Variants in PCLO observed in about 807,000 individuals in gnomAD.
PCLO encodes the protein piccolo presynaptic cytomatrix protein, also known as protein piccolo.
A neutral mutation model predicts 427.5 loss-of-function variants in PCLO; 82 were observed. The ratio of observed to expected loss-of-function variants is 0.19; its 90% CI spans 0.16 to 0.23. PCLO has a LOEUF of 0.23. Among genes scored for constraint, PCLO ranks in the 10% least tolerant of loss-of-function variants. The pLI is 1.00. For synonymous variants in PCLO, 2,357 were observed against 2,155.4 expected, an observed-to-expected ratio of 1.09 and a Z score of -2.59; for missense variants, 6,239 against 6,115.9, an observed-to-expected ratio of 1.02 and a Z score of -0.67.
chr7:83,038,302 CACT>C (rs1270196839), intron 3 of PCLO, among the ~76,000 whole-genome samples: 1 of 150,138 alleles, frequency 6.7e-6, no homozygotes, highest in Non-Finnish European at 1.5e-5. Flanking sequence ...CAACCATCAC[CACT>C]GTCAACTTTA....
intron 3 of PCLO, among the ~76,000 whole-genome samples, chr7:82,999,972 C>A (rs1419446025): frequency 1.4e-5 from 2 of 138,110 alleles, no homozygotes; most frequent in Non-Finnish European, 3.1e-5. Context: ...AGAATTCCTC[C>A]AAATTAATGT....
rs1788087522 is a variant in PCLO at position 83,011,940 on chromosome 7, G to A, written c.3301-45453C>T. Among the ~76,000 whole-genome samples, 2 of 151,944 alleles carry A rather than the reference G, an allele frequency of 1.3e-5. 1 individual carries two copies. Among genetic ancestry groups the A allele is most frequent in the South Asian group, 4.1e-4 (2 of 4,832 alleles). ...GCTAGGCACTGAGAATCAGAGATGA[G>A]TATATAATATCTTTTTTTTTGAAAT... On this transcript the variant is annotated intron_variant, in intron 3 of 24. Transcript: ENST00000333891.
In PCLO at chr7:82,956,077, G is replaced by A. The variant is rs766390746; in HGVS notation, c.4876C>T (p.Arg1626Cys). 14 of 1,611,906 alleles carry A rather than the reference G, an allele frequency of 8.7e-6. No homozygotes were observed. The highest frequency in any genetic ancestry group is 5.5e-5 in the South Asian group (5 of 91,080). ...TCGTCTTCATCATGCCATGAGTGAC[G>A]TCTTCCTGCATCTTCATCAATGCTT... ...STSIDEDAGR[R>C]HSWHDEDDEA... Residue 1626 changes from arginine (R) to cysteine (C), a missense_variant, in exon 5 of 25, where the codon CGT becomes TGT. Transcript: ENST00000333891.
At chr7:83,060,685 AG>A (rs1339412097) in intron 3 of PCLO, among the ~76,000 whole-genome samples, 4 of 152,326 alleles carry the variant, frequency 2.6e-5, no homozygotes, top group African/African-American at 9.6e-5. Flanking sequence ...GGTGTATAAA[AG>A]TCACTGGTGG....
intron 3 of PCLO, among the ~76,000 whole-genome samples, chr7:83,000,201 A>G (rs1787782670): frequency 6.6e-6 from 1 of 151,398 alleles, no homozygotes; most frequent in Non-Finnish European, 1.5e-5. Context: ...GAAGATAATA[A>G]TTACATCTCA....
intron 3 of PCLO, among the ~76,000 whole-genome samples, chr7:82,983,568 C>A (rs1346321811): frequency 1.3e-5 from 2 of 149,448 alleles, no homozygotes; most frequent in Non-Finnish European, 3.0e-5. Flanking sequence ...ACAGATCTAG[C>A]TAAAATTATA....
At chr7:82,766,020 G>A (rs1436121415) in intron 22 of PCLO, among the ~76,000 whole-genome samples, 1 of 151,960 alleles carries the variant, frequency 6.6e-6, no homozygotes, top group Non-Finnish European at 1.5e-5. Flanking sequence ...TTTCTGGTAA[G>A]GTACAAGTCA....
At chr7:83,137,447 T>C (rs1159440981) in intron 2 of PCLO, among the ~76,000 whole-genome samples, 3 of 152,210 alleles carry the variant, frequency 2.0e-5, no homozygotes, top group Non-Finnish European at 4.4e-5. Flanking sequence ...TTCATTTATT[T>C]AGAGATGGAG....
chr7:82,782,582 G>A (rs1790895947), intron 22 of PCLO, among the ~76,000 whole-genome samples: 2 of 152,058 alleles, frequency 1.3e-5, no homozygotes, highest in Non-Finnish European at 2.9e-5. Flanking sequence ...GTTCTATTCT[G>A]GAAATAGTTT....
intron 6 of PCLO, among the ~76,000 whole-genome samples, chr7:82,944,095 C>T (rs1195624173): frequency 3.3e-5 from 4 of 119,926 alleles, no homozygotes; most frequent in African/African-American, 1.3e-4. Context: ...GAAGTGAGAT[C>T]GTGTCATTAC....
intron 3 of PCLO, among the ~76,000 whole-genome samples, chr7:82,991,174 T>C (rs1187704660): frequency 6.6e-6 from 1 of 152,190 alleles, no homozygotes; most frequent in Non-Finnish European, 1.5e-5. Flanking sequence ...GCTAACTGTG[T>C]ATCTCTGCAT....
intron 7 of PCLO, among the ~76,000 whole-genome samples, chr7:82,913,989 T>C (rs950138462): frequency 6.6e-6 from 1 of 152,082 alleles, no homozygotes; most frequent in Admixed American, 6.6e-5. Flanking sequence ...GAATACTTCA[T>C]ACTAGTACAA....
intron 6 of PCLO, among the ~76,000 whole-genome samples, chr7:82,936,438 TAGA>T (rs1208089945): frequency 6.6e-6 from 1 of 151,642 alleles, no homozygotes. Context: ...CATCAGTCAT[TAGA>T]AGAATGAAAA....
At chr7:83,083,911 G>A (rs552793327) in intron 3 of PCLO, among the ~76,000 whole-genome samples, 60 of 152,242 alleles carry the variant, frequency 3.9e-4, no homozygotes, top group African/African-American at 1.4e-3. Flanking sequence ...TAAGAACAGA[G>A]TGAATATAAT....
chr7:82,821,402 G>T (rs1486735680), intron 20 of PCLO: 2 of 985,684 alleles, frequency 2.0e-6, no homozygotes, highest in Non-Finnish European at 2.4e-6. Context: ...ATTTAAATAG[G>T]TTGTGTTTTC....
At chr7:82,818,715 T>C (rs1159393459) in intron 20 of PCLO, among the ~76,000 whole-genome samples, 1 of 152,188 alleles carries the variant, frequency 6.6e-6, no homozygotes, top group Non-Finnish European at 1.5e-5. Flanking sequence ...TGTGTTCTTA[T>C]ATCAGCCAGC....
chr7:82,773,164 T>C, intron 22 of PCLO, among the ~76,000 whole-genome samples: 1 of 152,172 alleles, frequency 6.6e-6, no homozygotes. Flanking sequence ...AAGTAGTGGG[T>C]CTGTATATCT....
At chr7:83,043,918 T>TTTC (rs1554383890) in intron 3 of PCLO, among the ~76,000 whole-genome samples, 28 of 106,612 alleles carry the variant, frequency 2.6e-4, no homozygotes, top group Non-Finnish European at 4.1e-4. Flanking sequence ...TTTTCTTTTT[T>TTTC]TTTTTTTTTT....
At chr7:83,030,215 G>T (rs1312390897) in intron 3 of PCLO, among the ~76,000 whole-genome samples, 1 of 126,602 alleles carries the variant, frequency 7.9e-6, no homozygotes, top group Non-Finnish European at 1.8e-5. Context: ...AATAAAATTT[G>T]ATAAGTCCAA....
Sources: gnomAD v4.1 joint callset for allele counts (sites outside exome capture counted in the v4.1 genomes callset) on GRCh38, gnomAD v4.1.1 for gene constraint, MANE v1.5 for transcripts, NCBI Gene and HGNC (gene_info 2026-07-23, HGNC 2026-07-21) for gene names.